Variants in SLC25A12 observed in about 807,000 individuals in gnomAD.
SLC25A12 encodes solute carrier family 25 member 12.
SLC25A12 carries 32 observed loss-of-function variants against 83.3 expected under a neutral mutation model. The ratio of observed to expected loss-of-function variants is 0.38; its 90% CI spans 0.29 to 0.52. SLC25A12 has a LOEUF of 0.52. Ranked by LOEUF, SLC25A12 falls within the 20% of genes least tolerant of loss-of-function variation. SLC25A12 has a pLI of 0.84. For missense variants in SLC25A12, 611 were observed against 835.6 expected (o/e 0.73, Z 3.31); for synonymous variants, 267 against 291.1 (o/e 0.92, Z 0.84).
intron 2 of SLC25A12, among the ~76,000 whole-genome samples, chr2:171,890,001 A>G (rs915566275): frequency 4.6e-5 from 7 of 152,250 alleles, no homozygotes; most frequent in Non-Finnish European, 8.8e-5. Context: ...TAAGAAGCCA[A>G]TCTGATTGCT....
intron 5 of SLC25A12, among the ~76,000 whole-genome samples, chr2:171,838,858 T>C (rs1377840605): frequency 6.6e-6 from 1 of 152,148 alleles, no homozygotes; most frequent in Non-Finnish European, 1.5e-5. Flanking sequence ...CAAGAAGTGG[T>C]AATTATTGAA....
intron 3 of SLC25A12, among the ~76,000 whole-genome samples, chr2:171,868,439 G>C (rs1044115040): frequency 2.0e-5 from 3 of 150,154 alleles, no homozygotes; most frequent in African/African-American, 7.3e-5. Context: ...TCAGCCTCCC[G>C]AGTAGCTGGG....
chr2:171,813,624 T>C, intron 10 of SLC25A12, 127 bp from the exon 11 acceptor site: 1 of 1,107,338 alleles, frequency 9.0e-7, no homozygotes, highest in Non-Finnish European at 1.3e-6. Flanking sequence ...AAAGAGAGTT[T>C]ATTATTTTTC....
intron 2 of SLC25A12, among the ~76,000 whole-genome samples, chr2:171,892,318 C>T (rs1377792628): frequency 3.3e-5 from 5 of 152,062 alleles, no homozygotes; most frequent in East Asian, 1.9e-4. Context: ...CTCCGCTTCC[C>T]GGGTTAACGC....
At chr2:171,891,363 C>A (rs555724953) in intron 2 of SLC25A12, among the ~76,000 whole-genome samples, 52 of 152,048 alleles carry the variant, frequency 3.4e-4, no homozygotes, top group Middle Eastern at 3.4e-3. Flanking sequence ...TACCTCCAAC[C>A]CACCTCTACC....
intron 2 of SLC25A12, among the ~76,000 whole-genome samples, chr2:171,881,027 T>C (rs996626929): frequency 2.6e-5 from 4 of 152,252 alleles, no homozygotes; most frequent in African/African-American, 9.6e-5. Context: ...GTTCTGAGGA[T>C]TAAATATGAT....
intron 4 of SLC25A12, among the ~76,000 whole-genome samples, chr2:171,852,355 CT>C (rs1198547932): frequency 6.6e-6 from 1 of 152,080 alleles, no homozygotes; most frequent in Non-Finnish European, 1.5e-5. Flanking sequence ...AAAATCATAT[CT>C]AAAAAAAGCA....
Position 171,826,871 on chromosome 2 carries a change from A to G in SLC25A12, c.857T>C (p.Leu286Ser). ...TGGGGCTATTCTCTCAATATCTGCC[A>G]AAGTCAAGCGCCTTCAGGAAAAATA... Reference protein sequence around the residue: ...DLYNASGRLTLADIERIAPLA... With the variant: ...DLYNASGRLTSADIERIAPLA... Residue 286 changes from leucine (L) to serine (S), a missense_variant, in exon 9 of 18, where the codon TTG becomes TCG. By Grantham distance (145) the Leu-to-Ser change is moderately radical. Transcript: ENST00000422440. 5.6e-6 allele frequency: 9 copies of G among 1,606,736 alleles called. No individual in the cohort carries two copies. Among genetic ancestry groups the G allele is most frequent in the Non-Finnish European group, 7.7e-6 (9 of 1,173,424 alleles).
At chr2:171,828,567 A>G (rs1163237115) in intron 8 of SLC25A12, among the ~76,000 whole-genome samples, 2 of 152,150 alleles carry the variant, frequency 1.3e-5, no homozygotes, top group East Asian at 3.8e-4. Context: ...GCCCTTACAC[A>G]GGGTCCACTG....
chr2:171,890,385 T>C (rs1685905471), intron 2 of SLC25A12, among the ~76,000 whole-genome samples: 1 of 152,212 alleles, frequency 6.6e-6, no homozygotes, highest in Non-Finnish European at 1.5e-5. Flanking sequence ...TTCAAATAAC[T>C]ATAGTTTGAA....
At chr2:171,877,557 C>G (rs909122144) in intron 2 of SLC25A12, among the ~76,000 whole-genome samples, 15 of 151,360 alleles carry the variant, frequency 9.9e-5, no homozygotes, top group Admixed American at 4.0e-4. Context: ...CCCAGCTACT[C>G]GAGAGGCGGA....
At chr2:171,829,846 C>T (rs1003629273) in intron 8 of SLC25A12, among the ~76,000 whole-genome samples, 1 of 152,176 alleles carries the variant, frequency 6.6e-6, no homozygotes, top group Non-Finnish European at 1.5e-5. Context: ...GCCCAAAACC[C>T]TCAGGGTAAT....
intron 13 of SLC25A12, among the ~76,000 whole-genome samples, chr2:171,806,198 G>A (rs1487946342): frequency 6.6e-6 from 1 of 152,138 alleles, no homozygotes. Flanking sequence ...GGTGGCTCAC[G>A]CCCGTAATCC....
At chr2:171,881,654 T>A (rs769384378) in intron 2 of SLC25A12, among the ~76,000 whole-genome samples, 107 of 152,178 alleles carry the variant, frequency 7.0e-4, no homozygotes, top group Non-Finnish European at 5.9e-4. Flanking sequence ...TCTATTTTTT[T>A]AAAAAAGTAT....
chr2:171,881,380 A>C (rs890842664), intron 2 of SLC25A12, among the ~76,000 whole-genome samples: 3 of 152,092 alleles, frequency 2.0e-5, no homozygotes, highest in African/African-American at 7.2e-5. Flanking sequence ...TTGAACTCCT[A>C]ACCTCAGGTG....
At chr2:171,891,460 C>T (rs1195598752) in intron 2 of SLC25A12, among the ~76,000 whole-genome samples, 2 of 152,140 alleles carry the variant, frequency 1.3e-5, no homozygotes, top group Non-Finnish European at 2.9e-5. Flanking sequence ...GACCTCAATT[C>T]CCATTCCTTT....
chr2:171,820,172 T>C (rs1231561252), intron 9 of SLC25A12, among the ~76,000 whole-genome samples: 7 of 152,114 alleles, frequency 4.6e-5, no homozygotes, highest in Non-Finnish European at 5.9e-5. Flanking sequence ...AAAAACCCCA[T>C]GACACGTTTA....
At chr2:171,835,954 T>G (rs1241370470) in intron 6 of SLC25A12, among the ~76,000 whole-genome samples, 1 of 152,148 alleles carries the variant, frequency 6.6e-6, no homozygotes, top group Non-Finnish European at 1.5e-5. Flanking sequence ...CTCAAAAAAT[T>G]GAGGCTATTA....
intron 9 of SLC25A12, among the ~76,000 whole-genome samples, chr2:171,826,503 G>A (rs1383337455): frequency 6.6e-6 from 1 of 152,102 alleles, no homozygotes; most frequent in African/African-American, 2.4e-5. Context: ...AATTACTCGG[G>A]GAGGCTGAGG....
Sources: gnomAD v4.1 joint callset for allele counts (sites outside exome capture counted in the v4.1 genomes callset) on GRCh38, gnomAD v4.1.1 for gene constraint, MANE v1.5 for transcripts, NCBI Gene and HGNC (gene_info 2026-07-23, HGNC 2026-07-21) for gene names.